SPATA17: variants seen among roughly 807,000 people sequenced by gnomAD.
SPATA17 encodes the protein spermatogenesis associated 17.
Under a neutral mutation model 62.2 loss-of-function variants are expected in SPATA17, and 53 were observed. The ratio of observed to expected loss-of-function variants is 0.85; its 90% CI spans 0.68 to 1.07. The LOEUF is 1.07. Ranked by LOEUF, SPATA17 falls within the 50% of genes least tolerant of loss-of-function variation. The probability of loss-of-function intolerance (pLI) is 0.00; values close to 1 mark genes in which losing one functional copy is unlikely to be tolerated. For missense variants in SPATA17, 466 were observed against 425.5 expected, an observed-to-expected ratio of 1.10 and a Z score of -0.84; for synonymous variants, 146 against 146.8, an observed-to-expected ratio of 0.99 and a Z score of 0.04.
chr1:217,706,094 C>T (rs755629080), intron 5 of SPATA17, among the ~76,000 whole-genome samples: 14 of 152,146 alleles, frequency 9.2e-5, no homozygotes, highest in Admixed American at 2.0e-4. Flanking sequence ...CACTACCATG[C>T]TGTTTTGGTT....
chr1:217,664,901 A>C (rs934341839), intron 3 of SPATA17, among the ~76,000 whole-genome samples: 3 of 152,146 alleles, frequency 2.0e-5, no homozygotes, highest in African/African-American at 7.2e-5. Flanking sequence ...GCTTATAAGG[A>C]AAACAGGGGA....
At chr1:217,853,292 T>G (rs1050838133) in intron 9 of SPATA17, among the ~76,000 whole-genome samples, 4 of 152,190 alleles carry the variant, frequency 2.6e-5, no homozygotes, top group Admixed American at 6.5e-5. Context: ...GAAATTACAC[T>G]TAAATGAAAA....
intron 5 of SPATA17, among the ~76,000 whole-genome samples, chr1:217,735,846 T>C (rs1448994833): frequency 6.6e-6 from 1 of 151,962 alleles, no homozygotes; most frequent in East Asian, 1.9e-4. Flanking sequence ...TTATTAATAA[T>C]TTTTATTATG....
intron 1 of SPATA17, among the ~76,000 whole-genome samples, chr1:217,638,120 A>T (rs1669979498): frequency 6.6e-6 from 1 of 152,046 alleles, no homozygotes; most frequent in South Asian, 2.1e-4. Context: ...TAATTGAAAA[A>T]TTTTTTGGCT....
Position 217,852,655 on chromosome 1 carries a change from G to A in SPATA17, c.1006-10119G>A, listed in dbSNP as rs115051154. On this transcript the variant is annotated intron_variant, in intron 9 of 10. Coordinates refer to ENST00000366933, the MANE Select transcript of SPATA17 (RefSeq NM_138796.4). ...TTGCAAATCCCAAATGCATTAACAG[G>A]TTTCAGATGTTGGAAAACTTTCCCC... Among the ~76,000 whole-genome samples the A allele has an allele frequency of 7.5e-3, 1,146 of 152,194 alleles. 14 individuals carry two copies. Among genetic ancestry groups the A allele is most frequent in the African/African-American group, 0.026 (1,081 of 41,522 alleles).
chr1:217,838,417 AT>A (rs543487318), intron 9 of SPATA17, among the ~76,000 whole-genome samples: 1 of 152,210 alleles, frequency 6.6e-6, no homozygotes, highest in East Asian at 1.9e-4. Flanking sequence ...CGTTTTCTAC[AT>A]CTCACTAAAC....
At position 217,869,852 on chromosome 1, in the gene SPATA17, A is replaced by G. The variant is rs1676094868; in HGVS notation, c.*2833A>G. 6.7e-6 allele frequency: 1 copy of G among 148,904 alleles called. No individual in the cohort carries two copies. 9.2% of individuals were successfully genotyped at this position (148,904 alleles called of 1,614,324 possible). The stretch of plus-strand genomic sequence containing the variant: ...AAGAGGGGTCCATGCAGATGTTTGG[A>G]GGGGGGGGTCTTAAAGCTTTATTTT... On this transcript the variant is annotated 3_prime_UTR_variant, in exon 11 of 11. Coordinates refer to ENST00000366933, the MANE Select transcript of SPATA17 (RefSeq NM_138796.4).
chr1:217,689,907 CTT>C (rs774941353), intron 5 of SPATA17, among the ~76,000 whole-genome samples: 6 of 144,010 alleles, frequency 4.2e-5, no homozygotes, highest in Non-Finnish European at 4.6e-5. Flanking sequence ...TTTTCTTTTT[CTT>C]TTTTTTTTTT....
chr1:217,638,878 ATATGT>A (rs1205952027), intron 1 of SPATA17, among the ~76,000 whole-genome samples: 19 of 152,140 alleles, frequency 1.2e-4, no homozygotes, highest in Admixed American at 3.9e-4. Flanking sequence ...TGAAATATAA[ATATGT>A]TAGGAAGGCA....
intron 5 of SPATA17, among the ~76,000 whole-genome samples, chr1:217,688,985 C>G (rs77073661): frequency 0.032 from 4,918 of 152,102 alleles, 119 homozygotes; most frequent in Middle Eastern, 0.051. Flanking sequence ...AGATGAAACT[C>G]CATTATAATT....
chr1:217,638,986 A>C (rs1669999214), intron 1 of SPATA17, among the ~76,000 whole-genome samples: 3 of 152,108 alleles, frequency 2.0e-5, no homozygotes, highest in African/African-American at 7.2e-5. Context: ...TTGTTATGTG[A>C]ATAATAGTTA....
intron 6 of SPATA17, among the ~76,000 whole-genome samples, chr1:217,752,083 G>C (rs1442614165): frequency 6.6e-6 from 1 of 152,170 alleles, no homozygotes. Context: ...CTGTCACTCA[G>C]GCTGGAGTGC....
rs556161503 is a variant in SPATA17 at position 217,633,906 on chromosome 1, T to C, written c.68+2460T>C. Among the ~76,000 whole-genome samples the C allele has an allele frequency of 2.5e-4, 38 of 152,332 alleles. 1 individual carries two copies. In the South Asian group the frequency reaches 7.3e-3, roughly 29 times the overall value. On this transcript the variant is annotated intron_variant, in intron 1 of 10. Transcript: ENST00000366933. ...AGTCCTGTGAGGCCTGGAAGTCCAATGTGGAAACGAGAAGCTCCTCTGCCT... is the reference window on the plus strand; with the variant it reads ...AGTCCTGTGAGGCCTGGAAGTCCAACGTGGAAACGAGAAGCTCCTCTGCCT...
chr1:217,864,265 T>C (rs1443280402), intron 10 of SPATA17, among the ~76,000 whole-genome samples: 1 of 152,202 alleles, frequency 6.6e-6, no homozygotes, highest in African/African-American at 2.4e-5. Context: ...CTCAAAGATA[T>C]ATCAGTCCTG....
At chr1:217,831,601 A>T (rs1571833266) in intron 9 of SPATA17, among the ~76,000 whole-genome samples, 1 of 152,162 alleles carries the variant, frequency 6.6e-6, no homozygotes, top group South Asian at 2.1e-4. Flanking sequence ...CTCCAAAAAT[A>T]TATTTTCTTA....
intron 5 of SPATA17, among the ~76,000 whole-genome samples, chr1:217,736,584 G>T (rs1193497887): frequency 6.6e-6 from 1 of 151,970 alleles, no homozygotes; most frequent in Non-Finnish European, 1.5e-5. Flanking sequence ...AGAAATAAAT[G>T]GTTTGCTAGG....
At chr1:217,750,521 T>G (rs1672880635) in intron 6 of SPATA17, among the ~76,000 whole-genome samples, 1 of 152,220 alleles carries the variant, frequency 6.6e-6, no homozygotes, top group African/African-American at 2.4e-5. Context: ...TATCAATTAT[T>G]AACATAGCAT....
chr1:217,689,876 T>A (rs1179617816), intron 5 of SPATA17, among the ~76,000 whole-genome samples: 5 of 152,040 alleles, frequency 3.3e-5, no homozygotes, highest in Non-Finnish European at 7.4e-5. Flanking sequence ...AAGCCTGTTG[T>A]GAGCTTCATT....
intron 9 of SPATA17, among the ~76,000 whole-genome samples, chr1:217,856,772 T>C (rs1675796240): frequency 6.6e-6 from 1 of 152,222 alleles, no homozygotes; most frequent in East Asian, 1.9e-4. Context: ...CAGTTTCCTG[T>C]ATATTCTTTT....
Sources: gnomAD v4.1 joint callset for allele counts (sites outside exome capture counted in the v4.1 genomes callset) on GRCh38, gnomAD v4.1.1 for gene constraint, MANE v1.5 for transcripts, NCBI Gene and HGNC (gene_info 2026-07-23, HGNC 2026-07-21) for gene names.